The following PRDM11 variants were observed in gnomAD, a reference collection of about 807,000 sequenced individuals.
PRDM11 encodes the protein PR/SET domain 11.
Under a neutral mutation model 97.8 loss-of-function variants are expected in PRDM11, and 20 were observed. The ratio of observed to expected loss-of-function variants is 0.20; its 90% CI spans 0.14 to 0.30. The LOEUF is 0.30. Ranked by LOEUF, PRDM11 falls within the 10% of genes least tolerant of loss-of-function variation. PRDM11 has a pLI of 1.00. For synonymous variants in PRDM11, 599 were observed against 637.7 expected (o/e 0.94, Z 0.91); for missense variants, 1,139 against 1,555.2 (o/e 0.73, Z 4.50).
Position 45,226,901 on chromosome 11 carries a change from C to T in PRDM11, c.2276C>T (p.Pro759Leu), listed in dbSNP as rs1162189980. 1.3e-6 allele frequency: 2 copies of T among 1,533,802 alleles called. No homozygotes were observed. The highest frequency in any genetic ancestry group is 1.7e-6 in the Non-Finnish European group (2 of 1,146,732). The part of the protein sequence containing the change: ...RKTLPWLLCL[P>L]FMVHRPHLEI... ...ACGCTGCCCTGGCTGCTGTGCCTGC[C>T]CTTCATGGTGCACCGGCCCCACCTG... Residue 759 changes from proline (P) to leucine (L), a missense_variant, in exon 8 of 8, where the codon CCC (proline) becomes CTC (leucine). Transcript: ENST00000683152.
chr11:45,214,756 G>A (rs1214939556), intron 5 of PRDM11: 1 of 152,192 alleles, frequency 6.6e-6, no homozygotes, highest in African/African-American at 2.4e-5. Flanking sequence ...CCAGTGTCCA[G>A]GATCTTTCTT....
At chr11:45,150,023 A>G (rs1178005659) in intron 1 of PRDM11, among the ~76,000 whole-genome samples, 1 of 152,146 alleles carries the variant, frequency 6.6e-6, no homozygotes. Flanking sequence ...TGCCTGAAAG[A>G]CCTTCAGGGA....
intron 1 of PRDM11, among the ~76,000 whole-genome samples, chr11:45,113,464 G>GT (rs1417813645): frequency 6.6e-6 from 1 of 152,060 alleles, no homozygotes; most frequent in African/African-American, 2.4e-5. Context: ...TTTTAGGATT[G>GT]TTTTTTCTAG....
chr11:45,148,533 G>A (rs559082379), intron 1 of PRDM11, among the ~76,000 whole-genome samples: 2 of 152,160 alleles, frequency 1.3e-5, no homozygotes, highest in Admixed American at 6.5e-5. Context: ...AGGAACAGCT[G>A]GTGGCAGGGT....
At chr11:45,192,259 G>A (rs915917457) in intron 4 of PRDM11, among the ~76,000 whole-genome samples, 3 of 152,196 alleles carry the variant, frequency 2.0e-5, no homozygotes, top group Non-Finnish European at 4.4e-5. Flanking sequence ...AGGAAAAGTG[G>A]AAGATGAGAC....
intron 5 of PRDM11, among the ~76,000 whole-genome samples, chr11:45,209,920 A>T (rs1382001312): frequency 6.6e-6 from 1 of 152,172 alleles, no homozygotes; most frequent in Non-Finnish European, 1.5e-5. Flanking sequence ...AGAGTTAACC[A>T]GGCCAGGCAG....
Position 45,224,790 on chromosome 11 carries a change from C to A in PRDM11, c.1316C>A (p.Pro439His). 6.2e-7 allele frequency: 1 copy of A among 1,614,172 alleles called. No homozygotes were observed. Among genetic ancestry groups the A allele is most frequent in the Non-Finnish European group, 8.5e-7 (1 of 1,180,046 alleles). The change falls in exon 7 of 8, where the codon CCC (proline) becomes CAC (histidine). Residue 439 changes from proline (P) to histidine (H), a missense_variant. Pro to His is a moderately conservative substitution (Grantham distance 77, BLOSUM62 -2). Transcript: ENST00000683152. Reference protein sequence around the residue: ...DMLKSGKLPEPPVLPPQVLEL... With the variant: ...DMLKSGKLPEHPVLPPQVLEL... ...CTTAAGTCTGGGAAACTTCCTGAGC[C>A]CCCCGTATTGCCACCACAGGTACTG...
At chr11:45,150,143 C>T (rs1010463621) in intron 1 of PRDM11, among the ~76,000 whole-genome samples, 1 of 152,158 alleles carries the variant, frequency 6.6e-6, no homozygotes, top group Non-Finnish European at 1.5e-5. Flanking sequence ...ATGGGCCTTC[C>T]TCATGCTGTT....
chr11:45,220,296 A>G (rs1162477166), intron 6 of PRDM11, among the ~76,000 whole-genome samples: 1 of 152,070 alleles, frequency 6.6e-6, no homozygotes, highest in Non-Finnish European at 1.5e-5. Context: ...GTGTTGATAT[A>G]TTTTCCATAG....
At chr11:45,165,935 A>G (rs1349115009) in intron 1 of PRDM11, among the ~76,000 whole-genome samples, 2 of 152,166 alleles carry the variant, frequency 1.3e-5, no homozygotes, top group Non-Finnish European at 2.9e-5. Context: ...GGAGTAGAGA[A>G]AAGAGTGTGG....
chr11:45,097,063 A>T (rs1013466804), intron 1 of PRDM11, among the ~76,000 whole-genome samples: 2 of 152,214 alleles, frequency 1.3e-5, no homozygotes, highest in Non-Finnish European at 2.9e-5. Context: ...AGGCCAGGGA[A>T]TTTGGTTTTA....
chr11:45,107,906 C>T (rs762651523), intron 1 of PRDM11, among the ~76,000 whole-genome samples: 2 of 150,894 alleles, frequency 1.3e-5, no homozygotes, highest in African/African-American at 2.4e-5. Flanking sequence ...CTCAACTCAT[C>T]GCAACCTCCA....
chr11:45,189,946 G>A lies in PRDM11; in HGVS notation c.486+6823G>A, dbSNP rs531480942. ...TCGTGCAGTGTGTGAGCATGCACGAGCAGGTGCTTTTCATGCTTGCTTGTT... is the reference window on the plus strand; with the variant it reads ...TCGTGCAGTGTGTGAGCATGCACGAACAGGTGCTTTTCATGCTTGCTTGTT... On this transcript the variant is annotated intron_variant, in intron 4 of 7. Transcript: ENST00000683152. Among the ~76,000 whole-genome samples the A allele has an allele frequency of 6.6e-5, 10 of 152,274 alleles. 1 individual carries two copies. The highest frequency in any genetic ancestry group is 2.4e-4 in the African/African-American group (10 of 41,554).
At chr11:45,208,063 T>C (rs1307630102) in intron 5 of PRDM11, among the ~76,000 whole-genome samples, 1 of 152,216 alleles carries the variant, frequency 6.6e-6, no homozygotes, top group Non-Finnish European at 1.5e-5. Flanking sequence ...GGCCTCTGGC[T>C]GCTCAGTTGA....
At chr11:45,216,124 T>G (rs1277829318) in intron 5 of PRDM11, 2 of 152,652 alleles carry the variant, frequency 1.3e-5, no homozygotes, top group African/African-American at 4.8e-5. Context: ...AGGATCATCA[T>G]GACAGGTTTA....
intron 1 of PRDM11, among the ~76,000 whole-genome samples, chr11:45,125,992 A>C (rs1191084800): frequency 6.6e-6 from 1 of 151,992 alleles, no homozygotes; most frequent in Non-Finnish European, 1.5e-5. Flanking sequence ...TTTGTAGTTC[A>C]CTCAGGACTT....
At chr11:45,222,225 T>G (rs1854139983) in intron 6 of PRDM11, among the ~76,000 whole-genome samples, 1 of 152,232 alleles carries the variant, frequency 6.6e-6, no homozygotes, top group Non-Finnish European at 1.5e-5. Flanking sequence ...TATGGAGGCT[T>G]TGGAACCAAT....
At chr11:45,166,636 A>G (rs1852072367) in intron 1 of PRDM11, among the ~76,000 whole-genome samples, 1 of 152,272 alleles carries the variant, frequency 6.6e-6, no homozygotes, top group Non-Finnish European at 1.5e-5. Context: ...CCTAGCACCT[A>G]GGACAGTGCC....
intron 4 of PRDM11, among the ~76,000 whole-genome samples, chr11:45,196,673 G>C (rs981146032): frequency 6.6e-6 from 1 of 152,186 alleles, no homozygotes. Context: ...TTCACCAGGA[G>C]CCTGCCTCCT....
Sources: gnomAD v4.1 joint callset for allele counts (sites outside exome capture counted in the v4.1 genomes callset) on GRCh38, gnomAD v4.1.1 for gene constraint, MANE v1.5 for transcripts, NCBI Gene and HGNC (gene_info 2026-07-23, HGNC 2026-07-21) for gene names.